Variants in SNX8 observed in about 807,000 individuals in gnomAD.
SNX8 encodes sorting nexin-8.
Under a neutral mutation model 51.6 loss-of-function variants are expected in SNX8, and 25 were observed. The ratio of observed to expected loss-of-function variants is 0.48; its 90% CI spans 0.35 to 0.68. The LOEUF (loss-of-function observed/expected upper bound fraction) is 0.68, where lower values mean the gene tolerates loss of function less well. Ranked by LOEUF, SNX8 falls within the 30% of genes least tolerant of loss-of-function variation. The probability of loss-of-function intolerance (pLI) is 0.00; values close to 1 mark genes in which losing one functional copy is unlikely to be tolerated. For missense variants in SNX8, 695 were observed against 624.0 expected (o/e 1.11, Z -1.21); for synonymous variants, 324 against 277.0 (o/e 1.17, Z -1.68).
chr7:2,311,523 T>A (rs1796657335), intron 1 of SNX8, among the ~76,000 whole-genome samples: 1 of 152,292 alleles, frequency 6.6e-6, no homozygotes, highest in South Asian at 2.1e-4. Flanking sequence ...GTGCTTGGTC[T>A]CAAGGCTGAG....
intron 7 of SNX8, among the ~76,000 whole-genome samples, chr7:2,260,109 T>G (rs555413165): frequency 1.4e-4 from 22 of 152,184 alleles, no homozygotes; most frequent in African/African-American, 5.3e-4. Flanking sequence ...TTTGGCTTTT[T>G]TTTTGAGACA....
chr7:2,256,857 G>A lies in SNX8; in HGVS notation c.1284+17C>T. The A allele has an allele frequency of 1.2e-6, 2 of 1,603,208 alleles. No individual in the cohort carries two copies. The highest frequency in any genetic ancestry group is 1.7e-6 in the Non-Finnish European group (2 of 1,173,520). ...AAGGCCGTGGCCGAGACGGCGGCCGGAGCAGGGCGGACTCACCTCCTTGTG... is the reference window on the plus strand; with the variant it reads ...AAGGCCGTGGCCGAGACGGCGGCCGAAGCAGGGCGGACTCACCTCCTTGTG... On this transcript the variant is annotated intron_variant, in intron 10 of 10. Transcript: ENST00000222990.
chr7:2,351,589 T>C (rs1165099293), intron 1 of SNX8, among the ~76,000 whole-genome samples: 1 of 150,522 alleles, frequency 6.6e-6, no homozygotes, highest in Non-Finnish European at 1.5e-5. Flanking sequence ...TCCCAGCACT[T>C]CGGGAGGCCA....
chr7:2,267,961 G>A (rs1795515160), intron 5 of SNX8, among the ~76,000 whole-genome samples: 11 of 137,486 alleles, frequency 8.0e-5, no homozygotes, highest in Admixed American at 2.8e-4. Context: ...CCTCTGCCCC[G>A]CCGCCCCATC....
intron 1 of SNX8, among the ~76,000 whole-genome samples, chr7:2,332,911 GGAAA>G (rs570120686): frequency 2.0e-5 from 3 of 151,222 alleles, no homozygotes; most frequent in South Asian, 4.2e-4. Context: ...AAGAAAAAAG[GGAAA>G]GAAAGGAGAG....
intron 3 of SNX8, among the ~76,000 whole-genome samples, chr7:2,273,082 C>A (rs1204642718): frequency 2.0e-5 from 3 of 152,090 alleles, no homozygotes; most frequent in Admixed American, 6.5e-5. Flanking sequence ...GATCCGCCCA[C>A]CTCAGCCTCC....
At chr7:2,265,233 G>A (rs1795437061) in intron 5 of SNX8, among the ~76,000 whole-genome samples, 6 of 152,046 alleles carry the variant, frequency 3.9e-5, no homozygotes, top group Admixed American at 2.6e-4. Flanking sequence ...CCAGCTACTT[G>A]GGAGGCTGAG....
At chr7:2,345,084 G>C (rs1046381744) in intron 1 of SNX8, among the ~76,000 whole-genome samples, 2 of 152,078 alleles carry the variant, frequency 1.3e-5, no homozygotes, top group African/African-American at 4.8e-5. Flanking sequence ...GATATCCTGT[G>C]ACCCGCAAAT....
intron 1 of SNX8, among the ~76,000 whole-genome samples, chr7:2,321,228 G>C (rs943232620): frequency 6.6e-6 from 1 of 151,940 alleles, no homozygotes; most frequent in Non-Finnish European, 1.5e-5. Flanking sequence ...GAAACGGTGG[G>C]GGGAATAATC....
chr7:2,257,831 G>A (rs1413916299), intron 7 of SNX8, 28 bp from the exon 8 acceptor site: 33 of 1,608,514 alleles, frequency 2.1e-5, no homozygotes, highest in African/African-American at 4.0e-5. Flanking sequence ...GCTCACCCAC[G>A]CGGACGCACA....
Position 2,289,982 on chromosome 7 carries a change from C to A in SNX8, c.95-11677G>T, listed in dbSNP as rs191895023. Among the ~76,000 whole-genome samples the A allele has an allele frequency of 4.1e-3, 621 of 152,228 alleles. 4 individuals are homozygous for A. Among genetic ancestry groups the A allele is most frequent in the Non-Finnish European group, 6.8e-3 (460 of 68,014 alleles). On this transcript the variant is annotated intron_variant, in intron 1 of 10. Transcript: ENST00000222990. Reference sequence around the variant, plus strand: ...CTGAGGCGGGTGGATCACCTGAGGTCAGGAGTTCAGTACCAGCCTGGCCAA... The same window carrying A: ...CTGAGGCGGGTGGATCACCTGAGGTAAGGAGTTCAGTACCAGCCTGGCCAA...
At chr7:2,287,273 G>A (rs1796053413) in intron 1 of SNX8, among the ~76,000 whole-genome samples, 1 of 148,504 alleles carries the variant, frequency 6.7e-6, no homozygotes, top group African/African-American at 2.5e-5. Flanking sequence ...AAAGACTGAT[G>A]AAAAAAATAT....
At chr7:2,323,345 AAAAAC>A (rs1434444094) in intron 1 of SNX8, among the ~76,000 whole-genome samples, 2 of 151,272 alleles carry the variant, frequency 1.3e-5, no homozygotes, top group Admixed American at 6.6e-5. Context: ...AAAAAAAAAA[AAAAAC>A]AACCAAACAA....
intron 1 of SNX8, among the ~76,000 whole-genome samples, chr7:2,306,770 A>G (rs145404361): frequency 8.5e-4 from 130 of 152,328 alleles, no homozygotes; most frequent in African/African-American, 3.0e-3. Context: ...TTGTGGTTGT[A>G]TCACTTGTAT....
At chr7:2,348,949 T>TCAAAAA in intron 1 of SNX8, among the ~76,000 whole-genome samples, 1 of 61,566 alleles carries the variant, frequency 1.6e-5, no homozygotes, top group Non-Finnish European at 2.9e-5. Flanking sequence ...AGACTCTGTC[T>TCAAAAA]CAAAAAAAAA....
rs1461499657 is a variant in SNX8 at position 2,259,714 on chromosome 7, C to T, written c.916-1911G>A. On this transcript the variant is annotated intron_variant, in intron 7 of 10. Coordinates refer to ENST00000222990, the MANE Select transcript of SNX8 (RefSeq NM_013321.4). ...AGTTTCTAAAACTCTAGAGAGAAAA[C>T]GCCAGCTGACCGCAGGTGCCCAGCT... is the stretch of plus-strand genomic sequence containing the variant. Among the ~76,000 whole-genome samples, 6 of 152,154 alleles carry T rather than the reference C, an allele frequency of 3.9e-5. No individual in the cohort carries two copies. The East Asian group carries it at 7.7e-4, about 20-fold the overall frequency.
intron 5 of SNX8, among the ~76,000 whole-genome samples, chr7:2,265,779 C>CA (rs1364107760): frequency 1.3e-5 from 2 of 152,200 alleles, no homozygotes; most frequent in Admixed American, 1.3e-4. Context: ...TACTAACTAT[C>CA]AGAGTTCAGA....
chr7:2,257,521 G>A lies in SNX8; in HGVS notation c.985-7C>T. 1.2e-5 allele frequency: 20 copies of A among 1,600,388 alleles called. No individual in the cohort carries two copies. The highest frequency in any genetic ancestry group is 1.6e-5 in the Non-Finnish European group (19 of 1,177,458). ...CATGCCGCTCGCACAGGTCCTGCGG[G>A]GCCGGGGGAGGCATTCGCCCGCTGT... On this transcript the variant is annotated splice_polypyrimidine_tract_variant and splice_region_variant and intron_variant, in intron 8 of 10. Transcript: ENST00000222990.
In SNX8 at chr7:2,351,911, T is replaced by A. The variant is rs867305650; in HGVS notation, c.-66+2311A>T. Among the ~76,000 whole-genome samples, 538 of 57,804 alleles carry A rather than the reference T, an allele frequency of 9.3e-3. 5 individuals carry two copies. Among genetic ancestry groups the A allele is most frequent in the African/African-American group, 0.019 (503 of 26,294 alleles). The allele number at this position is 57,804 out of a possible 152,430, so 37.9% of individuals were successfully genotyped here. On this transcript the variant is annotated intron_variant, in intron 1 of 5. Coordinates refer to the SNX8 transcript ENST00000435336. ...GTTTTTGTTGTTGTTGTTGGTTTTT[T>A]TTTTTTTTTTTTTTTGAGATGGATT...
Sources: allele counts gnomAD v4.1 joint callset (sites outside exome capture counted in the v4.1 genomes callset), GRCh38; gene constraint gnomAD v4.1.1; transcripts MANE v1.5; gene names NCBI Gene and HGNC (gene_info 2026-07-23, HGNC 2026-07-21).